Variants in DLG2 observed in about 807,000 individuals in gnomAD.
The protein encoded by DLG2 is discs large MAGUK scaffold protein 2.
A neutral mutation model predicts 132.5 loss-of-function variants in DLG2; 45 were observed. The ratio of observed to expected loss-of-function variants is 0.34; its 90% CI spans 0.27 to 0.44. The LOEUF (loss-of-function observed/expected upper bound fraction) is 0.44. DLG2 is among the 20% of genes least tolerant of loss of function. DLG2 has a pLI of 1.00. For synonymous variants in DLG2, 424 were observed against 419.6 expected, an observed-to-expected ratio of 1.01 and a Z score of -0.13; for missense variants, 1,045 against 1,196.9, an observed-to-expected ratio of 0.87 and a Z score of 1.87.
rs771736081 is a variant in DLG2, at chr11:83,794,390, A to C, written c.1723-7598T>G. Among the ~76,000 whole-genome samples the C allele has an allele frequency of 1.1e-4, 16 of 151,230 alleles. 1 individual carries two copies. Among genetic ancestry groups the C allele is most frequent in the Non-Finnish European group, 1.8e-4 (12 of 67,934 alleles). On this transcript the variant is annotated intron_variant, in intron 17 of 27. Transcript: ENST00000376104. ...ATTCACAGTTTACATCATTGATATG[A>C]CATTTTAAAATACCAAGTGTGACAC...
intron 18 of DLG2, among the ~76,000 whole-genome samples, chr11:83,658,469 T>C (rs964539760): frequency 6.6e-6 from 1 of 152,212 alleles, no homozygotes; most frequent in Admixed American, 6.5e-5. Flanking sequence ...AGAATGACAA[T>C]GATAATAAAC....
intron 4 of DLG2, among the ~76,000 whole-genome samples, chr11:85,166,088 A>C (rs1168666012): frequency 1.3e-5 from 2 of 151,814 alleles, no homozygotes; most frequent in African/African-American, 4.8e-5. Context: ...ATTATCTTCC[A>C]CTTTCTCTGA....
At chr11:83,475,433 C>T (rs891838265) in intron 22 of DLG2, among the ~76,000 whole-genome samples, 1 of 151,998 alleles carries the variant, frequency 6.6e-6, no homozygotes, top group African/African-American at 2.4e-5. Context: ...AGCTGAGGCT[C>T]AGAGATGTTA....
At chr11:85,422,396 T>C (rs1267122177) in intron 3 of DLG2, among the ~76,000 whole-genome samples, 1 of 152,158 alleles carries the variant, frequency 6.6e-6, no homozygotes, top group African/African-American at 2.4e-5. Context: ...CTTTTCCCTT[T>C]GTCTTTGTTG....
intron 6 of DLG2, among the ~76,000 whole-genome samples, chr11:84,832,587 A>G (rs1450205849): frequency 6.6e-6 from 1 of 151,634 alleles, no homozygotes; most frequent in Non-Finnish European, 1.5e-5. Flanking sequence ...TTATTCAACC[A>G]TGGGATAACT....
chr11:85,285,391 T>A, intron 3 of DLG2, 26 bp from the exon 4 acceptor site: 9 of 1,605,014 alleles, frequency 5.6e-6, no homozygotes, highest in South Asian at 1.1e-5. Flanking sequence ...AAGGAAAGCA[T>A]CAAAATGTAA....
rs995190302 is a variant in DLG2, at chr11:84,473,055, C to T, written c.519+61515G>A. ...CTTAGAGTGTGTCTAGTCTAATCTC[C>T]TTAATTTACAAATGGGAGATAGATA... On this transcript the variant is annotated intron_variant, in intron 7 of 27. Transcript: ENST00000376104. Among the ~76,000 whole-genome samples, 4 of 151,846 alleles carry T rather than the reference C, an allele frequency of 2.6e-5. No homozygotes were observed. In the East Asian group the frequency reaches 7.8e-4, roughly 29 times the overall value.
At chr11:84,578,765 A>G (rs1341511334) in intron 6 of DLG2, among the ~76,000 whole-genome samples, 1 of 152,096 alleles carries the variant, frequency 6.6e-6, no homozygotes, top group Non-Finnish European at 1.5e-5. Flanking sequence ...CTGGGAAGCC[A>G]TGACTGGTTT....
intron 6 of DLG2, among the ~76,000 whole-genome samples, chr11:84,586,086 G>A (rs912430382): frequency 1.4e-5 from 2 of 147,304 alleles, no homozygotes; most frequent in Admixed American, 6.7e-5. Flanking sequence ...GGGAGGTGGA[G>A]GTTGCAGTGA....
intron 6 of DLG2, among the ~76,000 whole-genome samples, chr11:84,597,586 T>C (rs1159258644): frequency 2.0e-5 from 3 of 152,192 alleles, no homozygotes; most frequent in Non-Finnish European, 2.9e-5. Context: ...AAGGCATGGA[T>C]GCTTTTCAAG....
chr11:83,480,659 C>CA (rs1296297581), intron 22 of DLG2: 14 of 1,539,982 alleles, frequency 9.1e-6, no homozygotes, highest in Admixed American at 2.0e-5. Flanking sequence ...TCTTTAATTA[C>CA]AAAAAATGCA....
chr11:84,317,102 G>T, intron 7 of DLG2: 2 of 1,612,812 alleles, frequency 1.2e-6, no homozygotes, highest in Admixed American at 3.3e-5. Flanking sequence ...CATCCCATCG[G>T]ACCCCCGGCT....
chr11:84,041,140 TA>T (rs2096067759), intron 11 of DLG2, among the ~76,000 whole-genome samples: 3 of 152,038 alleles, frequency 2.0e-5, no homozygotes, highest in Admixed American at 2.0e-4. Context: ...TCCTCATTTT[TA>T]AAAAGCTGAA....
intron 3 of DLG2, among the ~76,000 whole-genome samples, chr11:85,505,314 T>A (rs546372378): frequency 2.6e-4 from 40 of 152,208 alleles, no homozygotes; most frequent in Non-Finnish European, 4.0e-4. Context: ...TCAAAGAGAA[T>A]GCTTCCAGTT....
intron 6 of DLG2, among the ~76,000 whole-genome samples, chr11:84,868,250 A>T (rs2084931236): frequency 6.6e-6 from 1 of 151,322 alleles, no homozygotes; most frequent in South Asian, 2.1e-4. Context: ...ACCTAGACAG[A>T]GTATCCAATA....
At chr11:85,380,139 C>A (rs927395925) in intron 3 of DLG2, among the ~76,000 whole-genome samples, 1 of 149,680 alleles carries the variant, frequency 6.7e-6, no homozygotes, top group Non-Finnish European at 1.5e-5. Context: ...ACTACTGAAC[C>A]TAGCTGTGCT....
At chr11:84,154,030 C>A (rs1185261590) in intron 9 of DLG2, among the ~76,000 whole-genome samples, 5 of 152,126 alleles carry the variant, frequency 3.3e-5, no homozygotes, top group Non-Finnish European at 2.9e-5. Flanking sequence ...CAGAGTCTTG[C>A]TCTGTCACCC....
intron 6 of DLG2, among the ~76,000 whole-genome samples, chr11:84,999,162 G>A (rs2057977120): frequency 6.6e-6 from 1 of 151,906 alleles, no homozygotes; most frequent in African/African-American, 2.4e-5. Flanking sequence ...AATTATAGTG[G>A]TGCAACATTA....
intron 7 of DLG2, among the ~76,000 whole-genome samples, chr11:84,409,961 A>G (rs1001622925): frequency 2.6e-5 from 4 of 152,182 alleles, no homozygotes; most frequent in African/African-American, 9.7e-5. Flanking sequence ...TAGAACTCAT[A>G]TTGACTCAAG....
Sources: allele counts gnomAD v4.1 joint callset (sites outside exome capture counted in the v4.1 genomes callset), GRCh38; gene constraint gnomAD v4.1.1; transcripts MANE v1.5; gene names NCBI Gene and HGNC (gene_info 2026-07-23, HGNC 2026-07-21).